Variants in INTU observed in about 807,000 individuals in gnomAD.
INTU encodes the protein protein inturned.
In INTU, 68 loss-of-function variants were observed where a neutral mutation model predicts 100.5. The observed-to-expected ratio is 0.68, with a 90% confidence interval of 0.56 to 0.83. The LOEUF is 0.83. Among genes scored for constraint, INTU ranks in the 40% least tolerant of loss-of-function variants. The pLI, the probability that INTU is intolerant of heterozygous loss-of-function variation, is 0.00. For missense variants in INTU, 1,071 were observed against 1,114.7 expected (o/e 0.96, Z 0.56); for synonymous variants, 357 against 395.7 (o/e 0.90, Z 1.16).
At position 127,705,714 on chromosome 4, in the gene INTU, G is replaced by A. The variant is rs1361687717; in HGVS notation, c.1690G>A (p.Glu564Lys). 2 of 1,613,958 alleles carry A rather than the reference G, an allele frequency of 1.2e-6. No individual in the cohort carries two copies. Among genetic ancestry groups the A allele is most frequent in the Admixed American group, 3.3e-5 (2 of 59,986 alleles). Residue 564 changes from glutamate (E) to lysine (K), a missense_variant, in exon 11 of 16, where the codon GAA becomes AAA. Glu to Lys is a moderately conservative substitution (Grantham distance 56, BLOSUM62 1). Transcript: ENST00000335251. ...QRIGQLIIWR[E>K]VFPQHHLRPL... is the part of the protein sequence containing the mutation. ...AATTGGTCAGTTGATCATATGGAGA[G>A]AAGTGTTTCCTCAGCATCACCTCCG... is the stretch of plus-strand genomic sequence containing the variant.
At chr4:127,633,603 T>A (rs1159598656) in intron 1 of INTU, among the ~76,000 whole-genome samples, 2 of 152,114 alleles carry the variant, frequency 1.3e-5, no homozygotes, top group East Asian at 3.9e-4. Context: ...TATAAGGCAG[T>A]TGTTAAATTT....
chr4:127,677,576 A>T (rs1729283028), intron 6 of INTU, among the ~76,000 whole-genome samples: 2 of 151,930 alleles, frequency 1.3e-5, no homozygotes, highest in Non-Finnish European at 2.9e-5. Flanking sequence ...AACAGAAAGG[A>T]CATCCACACC....
chr4:127,700,045 T>C lies in INTU; in HGVS notation c.1485T>C (p.Ala495=). The C allele has an allele frequency of 1.2e-6, 2 of 1,606,940 alleles. No homozygotes were observed. Among genetic ancestry groups the C allele is most frequent in the Non-Finnish European group, 8.5e-7 (1 of 1,176,532 alleles). ...ELDMALSDLE[A]ADFAELSEDY... is the part of the protein sequence containing the mutation. ...ACATGGCATTAAGTGACTTGGAGGC[T>C]GCAGATTTTGCAGAACTGGTAAGGG... Residue 495 remains alanine, a synonymous_variant, in exon 9 of 16, where the codon GCT becomes GCC. Coordinates refer to ENST00000335251, the MANE Select transcript of INTU (RefSeq NM_015693.4).
intron 2 of INTU, among the ~76,000 whole-genome samples, chr4:127,646,434 T>C (rs1252209855): frequency 6.6e-6 from 1 of 152,156 alleles, no homozygotes; most frequent in Non-Finnish European, 1.5e-5. Context: ...ATCAAACATA[T>C]TTTATAGGTG....
chr4:127,684,767 A>G (rs1729740609), intron 7 of INTU, among the ~76,000 whole-genome samples: 2 of 150,622 alleles, frequency 1.3e-5, no homozygotes, highest in Admixed American at 6.6e-5. Flanking sequence ...ATAACAGTAG[A>G]CAGTTTTTCA....
At chr4:127,688,971 C>CTTTTTTTTTTTT (rs763570146) in intron 8 of INTU, among the ~76,000 whole-genome samples, 17 of 87,992 alleles carry the variant, frequency 1.9e-4, no homozygotes, top group East Asian at 3.4e-4. Context: ...TTCTTTCTTT[C>CTTTTTTTTTTTT]TTTTTTTTTT....
chr4:127,685,546 T>C, intron 7 of INTU: 1 of 448,536 alleles, frequency 2.2e-6, no homozygotes, highest in Non-Finnish European at 4.5e-6. Flanking sequence ...CAAACCTGAT[T>C]GCTTACCAAC....
intron 2 of INTU, among the ~76,000 whole-genome samples, chr4:127,656,175 C>G (rs1728210236): frequency 6.6e-6 from 1 of 152,168 alleles, no homozygotes; most frequent in South Asian, 2.1e-4. Flanking sequence ...GCAGAAATCA[C>G]CTGTCTTCTG....
At chr4:127,670,158 C>T (rs1728858708) in intron 5 of INTU, among the ~76,000 whole-genome samples, 1 of 151,414 alleles carries the variant, frequency 6.6e-6, no homozygotes, top group Non-Finnish European at 1.5e-5. Context: ...TGTTTTTTTT[C>T]ATAAAATAAA....
chr4:127,657,286 T>C (rs1456307383), intron 3 of INTU, among the ~76,000 whole-genome samples: 2 of 152,192 alleles, frequency 1.3e-5, no homozygotes, highest in African/African-American at 4.8e-5. Context: ...AACATTGACA[T>C]TGTGTATCGT....
At chr4:127,655,949 G>C (rs1390832385) in intron 2 of INTU, among the ~76,000 whole-genome samples, 1 of 152,210 alleles carries the variant, frequency 6.6e-6, no homozygotes, top group African/African-American at 2.4e-5. Context: ...AAACCGGTCC[G>C]AAAAGCGCAA....
Position 127,674,111 on chromosome 4 carries a change from T to TA in INTU, c.1092-12dup, listed in dbSNP as rs1408556371. 1 of 1,547,680 alleles carries TA rather than the reference T, an allele frequency of 6.5e-7. No individual in the cohort carries two copies. Among genetic ancestry groups the TA allele is most frequent in the Non-Finnish European group, 8.9e-7 (1 of 1,122,988 alleles). ...AGGTATTCTAACCTTATTTTGAATA[T>TA]ATTGTTTCTTAGTTCATCCCTCCTT... On this transcript the variant is annotated splice_polypyrimidine_tract_variant and intron_variant, in intron 5 of 15. Coordinates refer to ENST00000335251, the MANE Select transcript of INTU (RefSeq NM_015693.4).
intron 6 of INTU, among the ~76,000 whole-genome samples, chr4:127,682,014 C>A (rs1176997865): frequency 6.7e-6 from 1 of 149,344 alleles, no homozygotes; most frequent in Non-Finnish European, 1.5e-5. Flanking sequence ...TGCTCATCAT[C>A]ACTGGCCATC....
Position 127,643,517 on chromosome 4 carries a change from A to G in INTU, c.147-4A>G, listed in dbSNP as rs747951280. 53 of 1,577,760 alleles carry G rather than the reference A, an allele frequency of 3.4e-5. No homozygotes were observed. Among genetic ancestry groups the G allele is most frequent in the Admixed American group, 1.4e-4 (7 of 49,370 alleles). On this transcript the variant is annotated splice_region_variant and splice_polypyrimidine_tract_variant and intron_variant, in intron 1 of 15. Coordinates refer to ENST00000335251, the MANE Select transcript of INTU (RefSeq NM_015693.4). ...ATTAAGATTATCTTTTCTCTCTTTC[A>G]TAGTGATCTTGAGCCTGAATGGCTG...
chr4:127,642,385 C>G (rs1198603730), intron 1 of INTU, among the ~76,000 whole-genome samples: 15 of 152,046 alleles, frequency 9.9e-5, no homozygotes, highest in Non-Finnish European at 2.2e-4. Flanking sequence ...TATTAATGAC[C>G]AGCCACAGAC....
chr4:127,716,229 T>A, intron 15 of INTU, 96 bp from the exon 16 acceptor site: 1 of 565,634 alleles, frequency 1.8e-6, no homozygotes, highest in South Asian at 2.8e-5. Flanking sequence ...TTACTACTGA[T>A]GCTTTCAGAA....
rs6827949 is a variant in INTU at position 127,704,208 on chromosome 4, A to G, written c.1504-20A>G. 3,542 of 1,589,718 alleles carry G rather than the reference A, an allele frequency of 2.2e-3. 84 individuals carry two copies. In the African/African-American group the frequency reaches 0.043, roughly 19 times the overall value. ...ACAAAAAAATAAAAATATAAAATCC[A>G]CTATGAATTTTTCCCCCAGTCCGAG... On this transcript the variant is annotated intron_variant, in intron 9 of 15. Coordinates refer to ENST00000335251, the MANE Select transcript of INTU (RefSeq NM_015693.4).
chr4:127,646,501 T>C (rs1361260038), intron 2 of INTU, among the ~76,000 whole-genome samples: 1 of 152,210 alleles, frequency 6.6e-6, no homozygotes, highest in Admixed American at 6.5e-5. Context: ...TTTTGTGATA[T>C]TAACAGTTAT....
intron 6 of INTU, among the ~76,000 whole-genome samples, chr4:127,675,529 T>G (rs1729135084): frequency 6.6e-6 from 1 of 152,248 alleles, no homozygotes; most frequent in South Asian, 2.1e-4. Context: ...AAACATTTAT[T>G]AACACAAAGG....
Sources: gnomAD v4.1 joint callset for allele counts (sites outside exome capture counted in the v4.1 genomes callset) on GRCh38, gnomAD v4.1.1 for gene constraint, MANE v1.5 for transcripts, NCBI Gene and HGNC (gene_info 2026-07-23, HGNC 2026-07-21) for gene names.